PCDHA3: variants seen among roughly 807,000 people sequenced by gnomAD.
The protein encoded by PCDHA3 is protocadherin alpha-3.
A neutral mutation model predicts 62.2 loss-of-function variants in PCDHA3; 41 were observed. The ratio of observed to expected loss-of-function variants is 0.66; its 90% CI spans 0.51 to 0.86. PCDHA3 has a LOEUF of 0.86. PCDHA3 is among the 40% of genes least tolerant of loss of function. The pLI, the probability that PCDHA3 is intolerant of heterozygous loss-of-function variation, is 0.00. For synonymous variants in PCDHA3, 640 were observed against 555.4 expected (o/e 1.15, Z -2.14); for missense variants, 1,304 against 1,241.2 (o/e 1.05, Z -0.76).
At chr5:140,821,906 T>G (rs2150111848) in intron 1 of PCDHA3, 2 of 1,614,228 alleles carry the variant, frequency 1.2e-6, no homozygotes, top group Non-Finnish European at 1.7e-6. Flanking sequence ...GGAACCTTCG[T>G]TGGCCGCATC....
In PCDHA3 at chr5:140,863,325, AGT is replaced by A. The variant is rs1554158100; in HGVS notation, c.2394+59736_2394+59737del. 4 of 1,432,658 alleles carry A rather than the reference AGT, an allele frequency of 2.8e-6. No individual in the cohort carries two copies. In the African/African-American group the frequency reaches 5.7e-5, roughly 21 times the overall value. The allele number at this position is 1,432,658 out of a possible 1,614,324, so 88.7% of individuals were successfully genotyped here. On this transcript the variant is annotated intron_variant, in intron 1 of 3. Transcript: ENST00000522353. ...CCATCTGCGTGGTGTCCAGCCTGTT[AGT>A]GCTCACGTTGCTGCTGTACACGACG...
chr5:140,863,936 G>A (rs1554158535), intron 1 of PCDHA3: 2 of 160,752 alleles, frequency 1.2e-5, no homozygotes, highest in African/African-American at 4.8e-5. Context: ...AGGAGGCAGA[G>A]GTTGCGGTGA....
chr5:140,848,975 A>G lies in PCDHA3; in HGVS notation c.2394+45384A>G, dbSNP rs2040717769. 3 of 1,601,024 alleles carry G rather than the reference A, an allele frequency of 1.9e-6. No homozygotes were observed. The East Asian group carries it at 6.7e-5, about 36-fold the overall frequency. ...TTCCACTAGAGGGCGCGTCCGATGC[A>G]GATATCGGGGAGAACGCCCTGCTCA... On this transcript the variant is annotated intron_variant, in intron 1 of 3. Transcript: ENST00000522353.
intron 1 of PCDHA3, chr5:140,884,153 G>T: frequency 6.2e-7 from 1 of 1,613,470 alleles, no homozygotes; most frequent in Non-Finnish European, 8.5e-7. Flanking sequence ...GCTGTACACT[G>T]GCGAGATCAG....
intron 1 of PCDHA3, chr5:140,869,390 G>A: frequency 1.2e-6 from 2 of 1,614,230 alleles, no homozygotes; most frequent in Non-Finnish European, 1.7e-6. Flanking sequence ...GAGGAGCTGT[G>A]CGGGCAGAGC....
chr5:140,904,707 C>T (rs561558058), intron 1 of PCDHA3, among the ~76,000 whole-genome samples: 1 of 152,244 alleles, frequency 6.6e-6, no homozygotes, highest in African/African-American at 2.4e-5. Context: ...TCCCTTTTCA[C>T]CACATTCTGG....
intron 1 of PCDHA3, chr5:140,967,470 C>T (rs1554229592): frequency 1.2e-6 from 2 of 1,613,462 alleles, no homozygotes; most frequent in Non-Finnish European, 8.5e-7. Context: ...GGGGGCATCC[C>T]AGCCCGCTCG....
chr5:140,900,000 A>G (rs1374747791), intron 1 of PCDHA3, among the ~76,000 whole-genome samples: 1 of 151,872 alleles, frequency 6.6e-6, no homozygotes, highest in Non-Finnish European at 1.5e-5. Flanking sequence ...TGTAGAGATG[A>G]GGTCTCACTT....
intron 1 of PCDHA3, chr5:140,843,659 C>T (rs2150364623): frequency 2.5e-6 from 4 of 1,594,466 alleles, no homozygotes; most frequent in Admixed American, 1.7e-5. Flanking sequence ...TCCTCCTGAT[C>T]TGGGATCAGT....
intron 1 of PCDHA3, among the ~76,000 whole-genome samples, chr5:140,939,244 A>AG: frequency 6.6e-6 from 1 of 152,270 alleles, no homozygotes; most frequent in Admixed American, 6.5e-5. Flanking sequence ...GGAGCAAGGT[A>AG]GCTCTCTGGA....
At chr5:140,810,850 A>G (rs1175941230) in intron 1 of PCDHA3, 4 of 151,950 alleles carry the variant, frequency 2.6e-5, no homozygotes, top group Non-Finnish European at 4.4e-5. Flanking sequence ...TTTTGATTAA[A>G]CTCAATTTAT....
chr5:140,833,279 A>C (rs1772393333), intron 1 of PCDHA3, among the ~76,000 whole-genome samples: 1 of 152,198 alleles, frequency 6.6e-6, no homozygotes, highest in Non-Finnish European at 1.5e-5. Flanking sequence ...AAACTTATTT[A>C]GGAAAGCATC....
chr5:140,916,161 G>C (rs1469456505), intron 1 of PCDHA3, among the ~76,000 whole-genome samples: 2 of 152,084 alleles, frequency 1.3e-5, no homozygotes, highest in African/African-American at 2.4e-5. Flanking sequence ...GGTGAATGCT[G>C]CCAGGCCTGG....
chr5:140,862,343 A>G (rs1347322739), intron 1 of PCDHA3: 1 of 331,934 alleles, frequency 3.0e-6, no homozygotes, highest in Non-Finnish European at 5.9e-6. Flanking sequence ...CCCTAACTTC[A>G]GTGCCAAGGG....
intron 1 of PCDHA3, chr5:140,809,830 G>T: frequency 2.8e-6 from 1 of 354,946 alleles, no homozygotes; most frequent in Non-Finnish European, 5.0e-6. Context: ...CACCCTCTTT[G>T]TTTTTGGTAA....
chr5:140,843,397 G>A lies in PCDHA3; in HGVS notation c.2394+39806G>A, dbSNP rs2150359226. 4 of 1,596,068 alleles carry A rather than the reference G, an allele frequency of 2.5e-6. No homozygotes were observed. In the East Asian group the frequency reaches 6.7e-5, roughly 27 times the overall value. On this transcript the variant is annotated intron_variant, in intron 1 of 3. Coordinates refer to ENST00000522353, the MANE Select transcript of PCDHA3 (RefSeq NM_018906.3). ...CTGGCGTTTTGGGTCCGGAAGCGGC[G>A]CTGGTGGATGTCAACGTGTACCTGA... is the stretch of plus-strand genomic sequence containing the variant.
intron 1 of PCDHA3, chr5:140,836,306 C>A: frequency 6.2e-7 from 1 of 1,613,706 alleles, no homozygotes; most frequent in Non-Finnish European, 8.5e-7. Flanking sequence ...ATGAGACGGA[C>A]GCACCGCGCC....
At chr5:140,850,434 C>T (rs2150484212) in intron 1 of PCDHA3, 3 of 1,597,894 alleles carry the variant, frequency 1.9e-6, no homozygotes, top group Non-Finnish European at 1.7e-6. Flanking sequence ...GCGCCAGCGC[C>T]TACTGGTGCT....
intron 1 of PCDHA3, chr5:140,812,869 C>T (rs186050510): frequency 2.7e-4 from 41 of 152,216 alleles, no homozygotes; most frequent in Admixed American, 2.4e-3. Flanking sequence ...CTTTTGATTT[C>T]CCCTTTCATT....
Sources: allele counts gnomAD v4.1 joint callset (sites outside exome capture counted in the v4.1 genomes callset), GRCh38; gene constraint gnomAD v4.1.1; transcripts MANE v1.5; gene names NCBI Gene and HGNC (gene_info 2026-07-23, HGNC 2026-07-21).